Variants in CASZ1 observed in about 807,000 individuals in gnomAD.
CASZ1 encodes castor zinc finger 1.
In CASZ1, 28 loss-of-function variants were observed where a neutral mutation model predicts 135.2. The observed-to-expected ratio is 0.21, with a 90% CI of 0.15 to 0.28. The LOEUF (loss-of-function observed/expected upper bound fraction) is 0.28, where lower values mean the gene tolerates loss of function less well. Among genes scored for constraint, CASZ1 ranks in the 10% least tolerant of loss-of-function variants. CASZ1 has a pLI of 1.00. For synonymous variants in CASZ1, 1,068 were observed against 1,073.4 expected (o/e 0.99, Z 0.10); for missense variants, 2,161 against 2,453.3 (o/e 0.88, Z 2.52).
chr1:10,693,578 A>C (rs1240229627), intron 4 of CASZ1, among the ~76,000 whole-genome samples: 1 of 150,228 alleles, frequency 6.7e-6, no homozygotes, highest in Non-Finnish European at 1.5e-5. Context: ...GAGAACAAAA[A>C]CCCCACAAAA....
intron 3 of CASZ1, among the ~76,000 whole-genome samples, chr1:10,695,820 C>A (rs1004394723): frequency 6.6e-6 from 1 of 152,142 alleles, no homozygotes; most frequent in African/African-American, 2.4e-5. Flanking sequence ...ACTTAAGTGA[C>A]GCATCCGGCC....
chr1:10,769,422 G>A (rs1006412932), intron 1 of CASZ1, among the ~76,000 whole-genome samples: 1 of 152,184 alleles, frequency 6.6e-6, no homozygotes, highest in Non-Finnish European at 1.5e-5. Flanking sequence ...GGATAGCACA[G>A]GTTTAGATAG....
In CASZ1 at chr1:10,639,560, G is replaced by C; in HGVS notation, c.4662C>G (p.Ser1554Arg). The change falls in exon 21 of 21, where the codon AGC becomes AGG. Residue 1554 changes from serine to arginine, a missense_variant. Coordinates refer to ENST00000377022, the MANE Select transcript of CASZ1 (RefSeq NM_001079843.3). The surrounding 1 kb of genome is among the most constrained non-coding windows in gnomAD (Gnocchi z 4.0). ...SAAGFCQFSS[S>R]ADCAVPDCKY... ...TGCAGTCGGGCACGGCGCAGTCGGC[G>C]CTGGAGCTGAACTGGCAGAAGCCCG... 2.5e-6 allele frequency: 4 copies of C among 1,611,252 alleles called. No individual in the cohort carries two copies. The highest frequency in any genetic ancestry group is 3.4e-6 in the Non-Finnish European group (4 of 1,178,872).
In CASZ1 at chr1:10,654,136, C is replaced by A. The variant is rs781770661; in HGVS notation, c.1921G>T (p.Ala641Ser). ...TAGAACTTCTTGAAGCCGTCCTTGG[C>A]GTAGGCATCGTCCTTGATGTGGTAG... ...KSYHIKDDAY[A>S]KDGFKKFYKY... The change falls in exon 11 of 21, where the codon GCC becomes TCC. Residue 641 changes from alanine to serine, a missense_variant. This residue lies in a region of CASZ1 where 248 missense variants were observed against 410.8 expected (regional missense o/e 0.60). Coordinates refer to ENST00000377022, the MANE Select transcript of CASZ1 (RefSeq NM_001079843.3). The A allele has an allele frequency of 6.2e-7, 1 of 1,614,082 alleles. No individual in the cohort carries two copies. Among genetic ancestry groups the A allele is most frequent in the African/African-American group, 1.3e-5 (1 of 74,932 alleles).
intron 3 of CASZ1, chr1:10,704,626 C>A (rs988730784): frequency 6.6e-6 from 1 of 152,296 alleles, no homozygotes; most frequent in African/African-American, 2.4e-5. Flanking sequence ...GGGCCCGAAA[C>A]GCGAGAGACA....
At chr1:10,649,465 G>A (rs758425690) in intron 13 of CASZ1, 28 bp from the exon 14 acceptor site, 2 of 1,584,810 alleles carry the variant, frequency 1.3e-6, no homozygotes, top group East Asian at 4.5e-5. Flanking sequence ...CGAGCATGGG[G>A]CTGGGGTAGC....
At chr1:10,642,504 G>A (rs917205556) in intron 20 of CASZ1, among the ~76,000 whole-genome samples, 2 of 151,980 alleles carry the variant, frequency 1.3e-5, no homozygotes, top group Non-Finnish European at 2.9e-5. Context: ...GAGAGGCGGG[G>A]CAGTGCCAGG....
chr1:10,764,926 C>T (rs1480650454), intron 1 of CASZ1, among the ~76,000 whole-genome samples: 2 of 152,198 alleles, frequency 1.3e-5, no homozygotes, highest in Non-Finnish European at 2.9e-5. Flanking sequence ...CCCATTGCAA[C>T]CTGTCATCTG....
In CASZ1 at chr1:10,701,744, G is replaced by A. The variant is rs994615847; in HGVS notation, c.-24+3748C>T. ...GAGGGCTGGCAGCCTTGGCCGGGAC[G>A]GACTGGGGCCAGGGCTCAGGCCTGG... On this transcript the variant is annotated intron_variant, in intron 3 of 20. Coordinates refer to ENST00000377022, the MANE Select transcript of CASZ1 (RefSeq NM_001079843.3). This position sits in a 1 kb window ranked among gnomAD's most constrained non-coding sequence, Gnocchi z 6.3. 1.3e-5 allele frequency among the ~76,000 whole-genome samples: 2 copies of A among 152,152 alleles called. No individual in the cohort carries two copies. Among genetic ancestry groups the A allele is most frequent in the African/African-American group, 2.4e-5 (1 of 41,422 alleles).
intron 4 of CASZ1, among the ~76,000 whole-genome samples, chr1:10,684,870 T>C (rs1638536937): frequency 6.6e-6 from 1 of 152,220 alleles, no homozygotes; most frequent in African/African-American, 2.4e-5. Context: ...TTTGAAAAGC[T>C]GGTTCCCATC....
intron 1 of CASZ1, among the ~76,000 whole-genome samples, chr1:10,782,791 A>AG (rs1409964694): frequency 1.3e-5 from 2 of 149,422 alleles, no homozygotes; most frequent in South Asian, 4.3e-4. Flanking sequence ...CGTCCCTGGG[A>AG]GGGGGGAAGG....
intron 4 of CASZ1, among the ~76,000 whole-genome samples, chr1:10,669,801 C>G (rs566194572): frequency 6.6e-6 from 1 of 152,286 alleles, no homozygotes; most frequent in African/African-American, 2.4e-5. Flanking sequence ...GCCGGGCAGG[C>G]CTGGCAGCCC....
At chr1:10,712,202 C>T (rs1185341270) in intron 2 of CASZ1, among the ~76,000 whole-genome samples, 18 of 151,806 alleles carry the variant, frequency 1.2e-4, no homozygotes, top group Admixed American at 6.6e-5. Context: ...AAAAAGTAGC[C>T]GGGCATGGTG....
intron 4 of CASZ1, among the ~76,000 whole-genome samples, chr1:10,681,168 T>C (rs1638406656): frequency 6.6e-6 from 1 of 152,018 alleles, no homozygotes; most frequent in Admixed American, 6.5e-5. Context: ...CCCAAAGTGC[T>C]GGGATTATAG....
chr1:10,665,607 G>A (rs764205438), intron 4 of CASZ1, 36 bp from the exon 5 acceptor site: 126 of 1,501,538 alleles, frequency 8.4e-5, no homozygotes, highest in Middle Eastern at 7.0e-4. Flanking sequence ...GGTCAGAGGC[G>A]TGCAAGGCCA....
chr1:10,639,073 T>G lies in CASZ1; in HGVS notation c.5149A>C (p.Thr1717Pro), dbSNP rs1642096276. ...DEDDDDEDLR[T>P]DSEESLPEAA... ...TCGGGCAGCGACTCCTCCGAGTCGG[T>G]GCGCAGGTCCTCGTCGTCGTCGTCC... The change falls in exon 21 of 21, where the codon ACC (threonine) becomes CCC (proline). Residue 1717 changes from threonine to proline, a missense_variant. By Grantham distance (38) the Thr-to-Pro change is conservative. Around this residue, in one of 7 missense-constraint regions of CASZ1, gnomAD observed 185 missense variants for 134.7 expected, o/e 1.37. Coordinates refer to ENST00000377022, the MANE Select transcript of CASZ1 (RefSeq NM_001079843.3). This position sits in a 1 kb window ranked among gnomAD's most constrained non-coding sequence, Gnocchi z 4.0. The G allele has an allele frequency of 8.8e-7, 1 of 1,135,530 alleles. No homozygotes were observed. The highest frequency in any genetic ancestry group is 1.1e-6 in the Non-Finnish European group (1 of 904,444). The allele number at this position is 1,135,530 out of a possible 1,614,324, so 70.3% of individuals were successfully genotyped here.
chr1:10,687,800 C>T (rs1027619607), intron 4 of CASZ1, among the ~76,000 whole-genome samples: 2 of 152,172 alleles, frequency 1.3e-5, no homozygotes, highest in East Asian at 1.9e-4. Context: ...TTAGGAGTTA[C>T]TGTGGGTCCC....
At chr1:10,689,897 C>T (rs1425018779) in intron 4 of CASZ1, among the ~76,000 whole-genome samples, 1 of 152,228 alleles carries the variant, frequency 6.6e-6, no homozygotes, top group Non-Finnish European at 1.5e-5. Flanking sequence ...CAGCACAAAC[C>T]TCTGTTTGAA....
Position 10,725,349 on chromosome 1 carries a change from G to GC in CASZ1, c.-76-19806dup, listed in dbSNP as rs1295266912. 7.0e-6 allele frequency among the ~76,000 whole-genome samples: 1 copy of GC among 142,626 alleles called. No homozygotes were observed. The highest frequency in any genetic ancestry group is 2.6e-5 in the African/African-American group (1 of 38,636). The allele number at this position is 142,626 out of a possible 152,430, so 93.6% of individuals were successfully genotyped here. On this transcript the variant is annotated intron_variant, in intron 2 of 20. Coordinates refer to ENST00000377022, the MANE Select transcript of CASZ1 (RefSeq NM_001079843.3). This position sits in a 1 kb window ranked among gnomAD's most constrained non-coding sequence, Gnocchi z 4.4. The stretch of plus-strand genomic sequence containing the variant: ...TGGCTGTCAGCTGAGCTCCCCTCCC[G>GC]CCCTCCCTCTCCGGCAGGCTCCTCT...
Sources: gnomAD v4.1 joint callset for allele counts (sites outside exome capture counted in the v4.1 genomes callset) on GRCh38, gnomAD v4.1.1 for gene constraint, gnomAD v4.1.1 regional missense constraint, Gnocchi (gnomAD v3.1) non-coding constraint, MANE v1.5 for transcripts, NCBI Gene and HGNC (gene_info 2026-07-23, HGNC 2026-07-21) for gene names.